The following SNPH variants were observed in gnomAD, a reference collection of about 807,000 sequenced individuals.
The protein encoded by SNPH is syntaphilin.
A neutral mutation model predicts 36.8 loss-of-function variants in SNPH; 10 were observed. The observed-to-expected ratio is 0.27, with a 90% CI of 0.17 to 0.46. The LOEUF (loss-of-function observed/expected upper bound fraction) is 0.46, where lower values mean the gene tolerates loss of function less well. Ranked by LOEUF, SNPH falls within the 20% of genes least tolerant of loss-of-function variation. The pLI is 1.00. For missense variants in SNPH, 622 were observed against 744.0 expected (o/e 0.84, Z 1.91); for synonymous variants, 281 against 312.2 (o/e 0.90, Z 1.05).
At position 1,308,405 on chromosome 20, in the gene SNPH, G is replaced by A. The variant is rs73893156; in HGVS notation, c.*2351G>A. Reference sequence around the variant, plus strand: ...GGGCTTTTCTTCTTGTCAGTGGAGGGAGCAGCTCCCCACTCAGCCCTGGGA... The same window carrying A: ...GGGCTTTTCTTCTTGTCAGTGGAGGAAGCAGCTCCCCACTCAGCCCTGGGA... On this transcript the variant is annotated 3_prime_UTR_variant, in exon 7 of 7. Coordinates refer to ENST00000381867, the MANE Select transcript of SNPH (RefSeq NM_001318234.2). 7,542 of 152,840 alleles carry A rather than the reference G, an allele frequency of 0.049. 585 individuals carry two copies. Among genetic ancestry groups the A allele is most frequent in the African/African-American group, 0.17 (6,868 of 41,542 alleles). The allele number at this position is 152,840 out of a possible 1,614,324, so 9.5% of individuals were successfully genotyped here. A position where few individuals can be genotyped will look rare whatever the true frequency, so the allele number is the denominator to read the frequency against.
Position 1,296,391 on chromosome 20 carries a change from G to A in SNPH, c.152G>A (p.Gly51Glu), listed in dbSNP as rs535039485. The A allele has an allele frequency of 1.2e-6, 2 of 1,605,190 alleles. No individual in the cohort carries two copies. Among genetic ancestry groups the A allele is most frequent in the Admixed American group, 1.7e-5 (1 of 58,998 alleles). ...AGCCTCATGGCCATGTCCCTGCCAGGAAGTAGACGGACCTCTGCTGGATCA... is the reference window on the plus strand; with the variant it reads ...AGCCTCATGGCCATGTCCCTGCCAGAAAGTAGACGGACCTCTGCTGGATCA... Reference protein sequence around the residue: ...THSLMAMSLPGSRRTSAGSRR... With the variant: ...THSLMAMSLPESRRTSAGSRR... The change falls in exon 4 of 7, where the codon GGA becomes GAA. Residue 51 changes from glycine to glutamate, a missense_variant. Around this residue, in one of 3 missense-constraint regions of SNPH, gnomAD observed 187 missense variants for 209.4 expected, o/e 0.89. Transcript: ENST00000381867.
At chr20:1,271,979 G>A (rs1322725303) in intron 2 of SNPH, among the ~76,000 whole-genome samples, 1 of 152,118 alleles carries the variant, frequency 6.6e-6, no homozygotes, top group African/African-American at 2.4e-5. Flanking sequence ...TTTACCAGAC[G>A]AGGACATTCA....
At position 1,300,721 on chromosome 20, in the gene SNPH, TG is replaced by T; in HGVS notation, c.440+12del. Reference sequence around the variant, plus strand: ...ACCGGCTCCAGGACCGGTGAGCGGGTGGCCACGAGCAGCCCTGGGGGTACCC... The same window carrying T: ...ACCGGCTCCAGGACCGGTGAGCGGGTGCCACGAGCAGCCCTGGGGGTACCC... On this transcript the variant is annotated intron_variant, in intron 6 of 6. Coordinates refer to ENST00000381867, the MANE Select transcript of SNPH (RefSeq NM_001318234.2). 1 of 1,607,442 alleles carries T rather than the reference TG, an allele frequency of 6.2e-7. No individual in the cohort carries two copies. The highest frequency in any genetic ancestry group is 8.5e-7 in the Non-Finnish European group (1 of 1,177,870).
At chr20:1,279,885 A>G (rs1412695049) in intron 2 of SNPH, among the ~76,000 whole-genome samples, 2 of 152,152 alleles carry the variant, frequency 1.3e-5, no homozygotes, top group African/African-American at 4.8e-5. Flanking sequence ...AGCATCCTTC[A>G]TCTTGTGAAG....
At position 1,305,520 on chromosome 20, in the gene SNPH, C is replaced by A. The variant is rs1350798087; in HGVS notation, c.1083C>A (p.Asp361Glu). The A allele has an allele frequency of 6.2e-7, 1 of 1,613,242 alleles. No individual in the cohort carries two copies. Among genetic ancestry groups the A allele is most frequent in the East Asian group, 2.2e-5 (1 of 44,890 alleles). ...TGCAGGAGCGTGCCATCCAGACAGA[C>A]TTCGTGCAGTACCAGCCTGACCTTG... is the stretch of plus-strand genomic sequence containing the variant. ...SCMQERAIQT[D>E]FVQYQPDLDT... The change falls in exon 7 of 7, where the codon GAC becomes GAA. Residue 361 changes from aspartate (D) to glutamate (E), a missense_variant. Physicochemically the swap from Asp to Glu is conservative, Grantham distance 45. Coordinates refer to ENST00000381867, the MANE Select transcript of SNPH (RefSeq NM_001318234.2).
At position 1,306,059 on chromosome 20, in the gene SNPH, G is replaced by A. The variant is rs1243391061; in HGVS notation, c.*5G>A. ...GGCGGCGGCTCCCAGCTCTGAGGGG[G>A]CCCATTCTGGCAGCGGCGCCTGCGG... On this transcript the variant is annotated 3_prime_UTR_variant, in exon 7 of 7. Transcript: ENST00000381867. 1.4e-6 allele frequency: 2 copies of A among 1,443,384 alleles called. No individual in the cohort carries two copies. Among genetic ancestry groups the A allele is most frequent in the African/African-American group, 2.9e-5 (2 of 69,476 alleles). 89.4% of individuals were successfully genotyped at this position (1,443,384 alleles called of 1,614,324 possible).
intron 6 of SNPH, among the ~76,000 whole-genome samples, chr20:1,301,574 G>A (rs1049105473): frequency 6.6e-6 from 1 of 151,754 alleles, no homozygotes; most frequent in African/African-American, 2.4e-5. Context: ...CCTATCAAAA[G>A]TGTACAATTA....
At chr20:1,281,634 T>C (rs1432669800) in intron 2 of SNPH, among the ~76,000 whole-genome samples, 1 of 152,248 alleles carries the variant, frequency 6.6e-6, no homozygotes, top group Non-Finnish European at 1.5e-5. Flanking sequence ...AGGCAGCTCC[T>C]GGGTACCTGG....
At chr20:1,289,512 TACACACACAC>T (rs56289024) in intron 2 of SNPH, among the ~76,000 whole-genome samples, 1,542 of 137,714 alleles carry the variant, frequency 0.011, 22 homozygotes, top group African/African-American at 0.031. Flanking sequence ...TTCATTTAAA[TACACACACAC>T]ACACACACAC....
rs2122463383 is a variant in SNPH, at chr20:1,305,726, A to G, written c.1289A>G (p.Gln430Arg). 2.5e-6 allele frequency: 4 copies of G among 1,610,498 alleles called. No homozygotes were observed. Among genetic ancestry groups the G allele is most frequent in the Non-Finnish European group, 3.4e-6 (4 of 1,178,472 alleles). ...PEPITRGPTP[Q>R]RPGANPNPGQ... is the part of the protein sequence containing the mutation. ...CCCATCACCCGTGGACCCACCCCAC[A>G]GCGGCCTGGTGCCAACCCCAACCCT... The change falls in exon 7 of 7, where the codon CAG (glutamine) becomes CGG (arginine). Residue 430 changes from glutamine (Q) to arginine (R), a missense_variant. By Grantham distance (43) the Gln-to-Arg change is conservative. Around this residue, in one of 3 missense-constraint regions of SNPH, gnomAD observed 379 missense variants for 427.9 expected, o/e 0.89. Coordinates refer to ENST00000381867, the MANE Select transcript of SNPH (RefSeq NM_001318234.2).
rs978418721 is a variant in SNPH at position 1,294,728 on chromosome 20, G to T, written c.-492-223G>T. On this transcript the variant is annotated intron_variant, in intron 2 of 6. Transcript: ENST00000381867. The surrounding 1 kb of genome is among the most constrained non-coding windows in gnomAD (Gnocchi z 4.4). Reference sequence around the variant, plus strand: ...CCACTCAGGAGGCAGCCCCGCCGCTGGCTGGGATGACCAGGCTCCGGGGAG... The same window carrying T: ...CCACTCAGGAGGCAGCCCCGCCGCTTGCTGGGATGACCAGGCTCCGGGGAG... Among the ~76,000 whole-genome samples the T allele has an allele frequency of 1.3e-5, 2 of 152,210 alleles. No homozygotes were observed. The highest frequency in any genetic ancestry group is 2.4e-5 in the African/African-American group (1 of 41,444).
At chr20:1,296,510 T>C (rs1433694411) in intron 4 of SNPH, 89 bp downstream of exon 4, 2 of 1,171,818 alleles carry the variant, frequency 1.7e-6, no homozygotes, top group East Asian at 2.6e-5. Context: ...ACTTGCAGTA[T>C]GTGTTTGAGC....
chr20:1,279,269 G>T (rs936657107), intron 2 of SNPH, among the ~76,000 whole-genome samples: 4 of 152,174 alleles, frequency 2.6e-5, no homozygotes, highest in African/African-American at 9.7e-5. Context: ...TAATAGGTTC[G>T]TAATGGTATC....
Position 1,296,390 on chromosome 20 carries a change from G to T in SNPH, c.151G>T (p.Gly51Ter). 6.2e-7 allele frequency: 1 copy of T among 1,604,924 alleles called. No homozygotes were observed. Among genetic ancestry groups the T allele is most frequent in the Non-Finnish European group, 8.5e-7 (1 of 1,175,786 alleles). Reference sequence around the variant, plus strand: ...CAGCCTCATGGCCATGTCCCTGCCAGGAAGTAGACGGACCTCTGCTGGATC... The same window carrying T: ...CAGCCTCATGGCCATGTCCCTGCCATGAAGTAGACGGACCTCTGCTGGATC... ...THSLMAMSLP[G>*]SRRTSAGSRR... Residue 51 changes from glycine to a stop codon, truncating the protein, a stop_gained, in exon 4 of 7, where the codon GGA (glycine) becomes TGA (stop). Transcript: ENST00000381867. LOFTEE classifies it high-confidence loss of function.
intron 5 of SNPH, among the ~76,000 whole-genome samples, chr20:1,297,719 C>G (rs1293104849): frequency 6.6e-6 from 1 of 152,212 alleles, no homozygotes; most frequent in African/African-American, 2.4e-5. Flanking sequence ...GCCCCCAAAT[C>G]CTGCCAGTTC....
At chr20:1,297,108 G>A in intron 4 of SNPH, 37 bp from the exon 5 acceptor site, 1 of 1,587,282 alleles carries the variant, frequency 6.3e-7, no homozygotes, top group Middle Eastern at 1.7e-4. Flanking sequence ...CTGCCCGCCA[G>A]CCAGAACGAG....
intron 5 of SNPH, among the ~76,000 whole-genome samples, chr20:1,299,207 C>T (rs1335480331): frequency 6.6e-6 from 1 of 152,162 alleles, no homozygotes; most frequent in Non-Finnish European, 1.5e-5. Context: ...AAACACCATA[C>T]AGCTTCCATG....
At chr20:1,289,831 A>T (rs1398413687) in intron 2 of SNPH, among the ~76,000 whole-genome samples, 9 of 151,530 alleles carry the variant, frequency 5.9e-5, no homozygotes, top group Non-Finnish European at 1.3e-4. Flanking sequence ...CCCTGGCTCT[A>T]AAAAAAAATT....
intron 2 of SNPH, among the ~76,000 whole-genome samples, chr20:1,293,644 T>C (rs1182412025): frequency 6.6e-6 from 1 of 152,172 alleles, no homozygotes; most frequent in Non-Finnish European, 1.5e-5. Context: ...TGCCCTCCCA[T>C]GAGGGACCCT....
Sources: gnomAD v4.1 joint callset for allele counts (sites outside exome capture counted in the v4.1 genomes callset) on GRCh38, gnomAD v4.1.1 for gene constraint, gnomAD v4.1.1 regional missense constraint, Gnocchi (gnomAD v3.1) non-coding constraint, MANE v1.5 for transcripts, NCBI Gene and HGNC (gene_info 2026-07-23, HGNC 2026-07-21) for gene names.